GALNTL6: variants seen among roughly 807,000 people sequenced by gnomAD.
GALNTL6 encodes the protein polypeptide N-acetylgalactosaminyltransferase-like 6.
A neutral mutation model predicts 73.7 loss-of-function variants in GALNTL6; 46 were observed. The observed-to-expected ratio is 0.62, with a 90% CI of 0.49 to 0.80. The LOEUF is 0.80. Ranked by LOEUF, GALNTL6 falls within the 30% of genes least tolerant of loss-of-function variation. The pLI is 0.00. For synonymous variants in GALNTL6, 259 were observed against 263.7 expected (o/e 0.98, Z 0.17); for missense variants, 604 against 755.0 (o/e 0.80, Z 2.34).
At chr4:171,880,649 G>A (rs147557792) in intron 2 of GALNTL6, among the ~76,000 whole-genome samples, 1 of 152,236 alleles carries the variant, frequency 6.6e-6, no homozygotes, top group African/African-American at 2.4e-5. Context: ...TCAGACGAAA[G>A]TAGAATTGTA....
At chr4:171,842,418 TCTCCATG>T (rs1735260822) in intron 2 of GALNTL6, among the ~76,000 whole-genome samples, 1 of 152,118 alleles carries the variant, frequency 6.6e-6, no homozygotes, top group Non-Finnish European at 1.5e-5. Flanking sequence ...AATAATCCTG[TCTCCATG>T]CTTGGTGTTT....
intron 11 of GALNTL6, among the ~76,000 whole-genome samples, chr4:173,020,893 T>A (rs1387911403): frequency 6.6e-6 from 1 of 152,064 alleles, no homozygotes; most frequent in Non-Finnish European, 1.5e-5. Flanking sequence ...GCCAACATGG[T>A]GAAACCCCGT....
chr4:172,759,646 A>G (rs890609592), intron 5 of GALNTL6, among the ~76,000 whole-genome samples: 11 of 152,118 alleles, frequency 7.2e-5, no homozygotes, highest in African/African-American at 2.7e-4. Context: ...TTCCTGTAGC[A>G]CTAACCATGA....
chr4:172,896,966 A>G (rs1435128450), intron 8 of GALNTL6, among the ~76,000 whole-genome samples: 3 of 152,032 alleles, frequency 2.0e-5, no homozygotes, highest in Non-Finnish European at 4.4e-5. Context: ...TGCACAGATG[A>G]GATAATTCCC....
intron 5 of GALNTL6, among the ~76,000 whole-genome samples, chr4:172,446,831 T>G (rs1231476665): frequency 6.6e-6 from 1 of 152,146 alleles, no homozygotes; most frequent in Non-Finnish European, 1.5e-5. Context: ...CTAAACTTTT[T>G]GAAGATGTCT....
At position 171,853,599 on chromosome 4, in the gene GALNTL6, C is replaced by CTTTTTTT. The variant is rs35078885; in HGVS notation, c.138+38904_138+38910dup. ...TTTTTCTCTCTTTTGTTTAGCCACT[C>CTTTTTTT]TTTTTTTTTTTTTTTTTTTTTTTTT... On this transcript the variant is annotated intron_variant, in intron 2 of 12. Transcript: ENST00000506823. Among the ~76,000 whole-genome samples, 9 of 35,310 alleles carry CTTTTTTT rather than the reference C, an allele frequency of 2.5e-4. 4 individuals are homozygous for CTTTTTTT. Among genetic ancestry groups the CTTTTTTT allele is most frequent in the Admixed American group, 8.5e-4 (2 of 2,364 alleles). The allele number at this position is 35,310 out of a possible 152,430, so 23.2% of individuals were successfully genotyped here.
chr4:172,020,827 T>C (rs755576365), intron 2 of GALNTL6, among the ~76,000 whole-genome samples: 39 of 151,986 alleles, frequency 2.6e-4, no homozygotes, highest in Non-Finnish European at 1.2e-4. Flanking sequence ...ATTACCCTGA[T>C]ACTTACACCA....
At chr4:172,570,608 T>G (rs1247385496) in intron 5 of GALNTL6, among the ~76,000 whole-genome samples, 2 of 152,144 alleles carry the variant, frequency 1.3e-5, no homozygotes, top group Non-Finnish European at 2.9e-5. Context: ...TTTAAGCCAG[T>G]GGACCCCAAC....
At chr4:171,954,853 C>G (rs1738996114) in intron 2 of GALNTL6, among the ~76,000 whole-genome samples, 1 of 152,120 alleles carries the variant, frequency 6.6e-6, no homozygotes. Flanking sequence ...GCAGCACTTT[C>G]CAGTTGTCTC....
At chr4:172,542,954 G>C (rs771876715) in intron 5 of GALNTL6, among the ~76,000 whole-genome samples, 1 of 151,996 alleles carries the variant, frequency 6.6e-6, no homozygotes, top group Non-Finnish European at 1.5e-5. Flanking sequence ...AAAATTAGCC[G>C]GGCGTGGTGG....
intron 2 of GALNTL6, among the ~76,000 whole-genome samples, chr4:171,863,867 C>T (rs1372118386): frequency 6.6e-6 from 1 of 152,046 alleles, no homozygotes; most frequent in Non-Finnish European, 1.5e-5. Context: ...AAGCGATTCT[C>T]CTGCCTCAGC....
chr4:172,407,544 C>T (rs1744282112), intron 5 of GALNTL6, among the ~76,000 whole-genome samples: 1 of 152,004 alleles, frequency 6.6e-6, no homozygotes. Flanking sequence ...TGTTTAGAAT[C>T]TATTTGAATA....
At chr4:172,029,061 G>A (rs963434937) in intron 2 of GALNTL6, among the ~76,000 whole-genome samples, 9 of 151,904 alleles carry the variant, frequency 5.9e-5, no homozygotes, top group Non-Finnish European at 1.0e-4. Flanking sequence ...TGGCACAATG[G>A]CTAGTGAAGA....
intron 2 of GALNTL6, among the ~76,000 whole-genome samples, chr4:171,984,430 T>A (rs1740003366): frequency 6.6e-6 from 1 of 152,140 alleles, no homozygotes; most frequent in African/African-American, 2.4e-5. Flanking sequence ...CAGTGCCTTA[T>A]CTACCAGACA....
At chr4:172,230,224 A>G (rs536066517) in intron 3 of GALNTL6, among the ~76,000 whole-genome samples, 2 of 152,250 alleles carry the variant, frequency 1.3e-5, no homozygotes, top group South Asian at 4.1e-4. Flanking sequence ...TAAGGTTGGC[A>G]ATAGTTGGAA....
intron 5 of GALNTL6, among the ~76,000 whole-genome samples, chr4:172,646,659 G>A (rs961420848): frequency 2.0e-5 from 3 of 151,712 alleles, no homozygotes; most frequent in Non-Finnish European, 4.4e-5. Flanking sequence ...TTGTAATAAC[G>A]CCATTTTTGT....
chr4:172,297,944 G>C (rs1739746270), intron 3 of GALNTL6, among the ~76,000 whole-genome samples: 1 of 152,204 alleles, frequency 6.6e-6, no homozygotes, highest in Non-Finnish European at 1.5e-5. Flanking sequence ...ACCTTGGGCA[G>C]TATGGCCATT....
intron 5 of GALNTL6, among the ~76,000 whole-genome samples, chr4:172,696,255 C>A (rs11132956): frequency 0.98 from 149,577 of 152,296 alleles, 73,509 homozygotes; most frequent in Non-Finnish European, 1. Context: ...CACTCTCAAC[C>A]ATTGAGCTTG....
chr4:172,140,888 A>G (rs1326211244), intron 2 of GALNTL6, among the ~76,000 whole-genome samples: 1 of 152,066 alleles, frequency 6.6e-6, no homozygotes, highest in Non-Finnish European at 1.5e-5. Context: ...AAGGGCTAAT[A>G]GTAAAAAGTA....
Sources: allele counts gnomAD v4.1 joint callset (sites outside exome capture counted in the v4.1 genomes callset), GRCh38; gene constraint gnomAD v4.1.1; transcripts MANE v1.5; gene names NCBI Gene and HGNC (gene_info 2026-07-23, HGNC 2026-07-21).